The following NOL4 variants were observed in gnomAD, a reference collection of about 807,000 sequenced individuals.
NOL4 encodes cancer/testis antigen 125.
NOL4 carries 17 observed loss-of-function variants against 75.9 expected under a neutral mutation model. That is an observed-to-expected ratio of 0.22 (90% CI 0.15 to 0.34). NOL4 has a LOEUF of 0.34. NOL4 is among the 10% of genes least tolerant of loss of function. The probability of loss-of-function intolerance (pLI) is 1.00; values close to 1 mark genes in which losing one functional copy is unlikely to be tolerated. For missense variants in NOL4, 614 were observed against 793.5 expected (o/e 0.77, Z 2.72); for synonymous variants, 292 against 289.9 (o/e 1.01, Z -0.07).
intron 9 of NOL4, among the ~76,000 whole-genome samples, chr18:33,932,872 C>T (rs1289239495): frequency 6.6e-6 from 1 of 152,028 alleles, no homozygotes; most frequent in African/African-American, 2.4e-5. Context: ...CAAAACACTT[C>T]ACATAGTCCC....
intron 5 of NOL4, among the ~76,000 whole-genome samples, chr18:34,036,048 A>G (rs1193627569): frequency 6.6e-6 from 1 of 152,152 alleles, no homozygotes; most frequent in Non-Finnish European, 1.5e-5. Context: ...CCAAAGATAT[A>G]AAGAAGAAAT....
At chr18:33,925,119 A>G (rs1010801515) in intron 9 of NOL4, among the ~76,000 whole-genome samples, 5 of 118,424 alleles carry the variant, frequency 4.2e-5, no homozygotes, top group Admixed American at 3.0e-4. Flanking sequence ...AAATATGTTA[A>G]TACAAATTTA....
At chr18:33,863,414 G>GTAT (rs1947855963) in intron 10 of NOL4, among the ~76,000 whole-genome samples, 1 of 152,086 alleles carries the variant, frequency 6.6e-6, no homozygotes, top group Non-Finnish European at 1.5e-5. Context: ...TAAACTTAAA[G>GTAT]TATAATAATA....
chr18:34,090,693 G>A (rs1021719133), intron 5 of NOL4, among the ~76,000 whole-genome samples: 8 of 152,144 alleles, frequency 5.3e-5, no homozygotes, highest in South Asian at 4.2e-4. Context: ...AAACATTAGC[G>A]TTGAAGGAGA....
intron 4 of NOL4, among the ~76,000 whole-genome samples, chr18:34,095,251 ATGTGTGTG>A (rs60017439): frequency 8.3e-5 from 12 of 144,512 alleles, no homozygotes; most frequent in African/African-American, 2.0e-4. Flanking sequence ...TCTAATGTGT[ATGTGTGTG>A]TGTGTGTGTG....
At chr18:34,082,418 A>G (rs1032209796) in intron 5 of NOL4, among the ~76,000 whole-genome samples, 1 of 152,218 alleles carries the variant, frequency 6.6e-6, no homozygotes, top group African/African-American at 2.4e-5. Context: ...AACTTTAAAA[A>G]GCTTATTCCT....
intron 5 of NOL4, among the ~76,000 whole-genome samples, chr18:34,033,592 T>A (rs1011119400): frequency 6.6e-6 from 1 of 151,998 alleles, no homozygotes; most frequent in Non-Finnish European, 1.5e-5. Context: ...GGGAGTCCCA[T>A]AAAGCAAAGA....
intron 9 of NOL4, among the ~76,000 whole-genome samples, chr18:33,888,137 T>C (rs1199256982): frequency 6.6e-6 from 1 of 152,222 alleles, no homozygotes; most frequent in African/African-American, 2.4e-5. Flanking sequence ...TGGTATCTCA[T>C]TGTGGTTTTG....
At chr18:33,879,472 G>A (rs1206044860) in intron 10 of NOL4, among the ~76,000 whole-genome samples, 1 of 151,958 alleles carries the variant, frequency 6.6e-6, no homozygotes, top group Non-Finnish European at 1.5e-5. Context: ...AGGAGTTCAA[G>A]ACCAGCCTGG....
At chr18:34,200,243 G>A (rs1245945815) in intron 1 of NOL4, among the ~76,000 whole-genome samples, 1 of 151,796 alleles carries the variant, frequency 6.6e-6, no homozygotes, top group African/African-American at 2.4e-5. Flanking sequence ...TGACCTGGTA[G>A]CACTTCATTG....
intron 1 of NOL4, chr18:34,183,458 T>C (rs999934906): frequency 5.3e-5 from 8 of 151,886 alleles, no homozygotes; most frequent in South Asian, 2.1e-4. Context: ...CTGGGTACCG[T>C]CACTTTTGAA....
chr18:34,172,180 A>AT (rs1278176540), intron 1 of NOL4, among the ~76,000 whole-genome samples: 1 of 152,018 alleles, frequency 6.6e-6, no homozygotes, highest in Non-Finnish European at 1.5e-5. Context: ...ATTAATAATT[A>AT]TTTTTTCTAT....
chr18:33,953,370 C>T (rs1012077593), intron 8 of NOL4, among the ~76,000 whole-genome samples: 1 of 151,770 alleles, frequency 6.6e-6, no homozygotes, highest in Non-Finnish European at 1.5e-5. Flanking sequence ...TCTGCCTCTG[C>T]CTAGGCATAA....
chr18:34,216,445 A>T (rs1158572278), intron 1 of NOL4, among the ~76,000 whole-genome samples: 2 of 152,100 alleles, frequency 1.3e-5, no homozygotes, highest in Non-Finnish European at 2.9e-5. Context: ...TAGGAAAAAA[A>T]TGATAAACTG....
intron 9 of NOL4, among the ~76,000 whole-genome samples, chr18:33,941,603 G>A (rs940302381): frequency 2.6e-5 from 4 of 151,818 alleles, no homozygotes; most frequent in African/African-American, 7.3e-5. Flanking sequence ...CTATGCACCA[G>A]GCAAAATGCT....
chr18:34,176,157 G>A (rs2033529322), intron 1 of NOL4, among the ~76,000 whole-genome samples: 1 of 151,836 alleles, frequency 6.6e-6, no homozygotes, highest in Non-Finnish European at 1.5e-5. Context: ...AGGACCAAGT[G>A]GAAATCCTGG....
intron 10 of NOL4, among the ~76,000 whole-genome samples, chr18:33,856,335 A>T (rs2144158973): frequency 6.6e-6 from 1 of 152,260 alleles, no homozygotes; most frequent in Non-Finnish European, 1.5e-5. Flanking sequence ...CAAGTAAAGT[A>T]ACCTCTAATA....
intron 8 of NOL4, among the ~76,000 whole-genome samples, chr18:33,949,231 A>G (rs73414379): frequency 0.033 from 5,050 of 152,194 alleles, 152 homozygotes; most frequent in Middle Eastern, 0.085. Context: ...ATGCAAACTA[A>G]AATAGTAGTT....
intron 6 of NOL4, among the ~76,000 whole-genome samples, chr18:33,977,999 T>C (rs568850597): frequency 1.3e-5 from 2 of 152,082 alleles, no homozygotes; most frequent in Non-Finnish European, 2.9e-5. Context: ...TATGGGCTGG[T>C]GCTGGAACTG....
Sources: allele counts gnomAD v4.1 joint callset (sites outside exome capture counted in the v4.1 genomes callset), GRCh38; gene constraint gnomAD v4.1.1; transcripts MANE v1.5; gene names NCBI Gene and HGNC (gene_info 2026-07-23, HGNC 2026-07-21).